The following ANKAR variants were observed in gnomAD, a reference collection of about 807,000 sequenced individuals.
The protein encoded by ANKAR is ankyrin and armadillo repeat containing, also known as ankyrin and armadillo repeat-containing protein.
A neutral mutation model predicts 146.2 loss-of-function variants in ANKAR; 136 were observed. The observed-to-expected ratio is 0.93, with a 90% CI of 0.81 to 1.07. The LOEUF is 1.07. Among genes scored for constraint, ANKAR ranks in the 50% least tolerant of loss-of-function variants. The pLI, the probability that ANKAR is intolerant of heterozygous loss-of-function variation, is 0.00. For synonymous variants in ANKAR, 500 were observed against 575.8 expected, an observed-to-expected ratio of 0.87 and a Z score of 1.88; for missense variants, 1,567 against 1,679.9, an observed-to-expected ratio of 0.93 and a Z score of 1.18.
intron 15 of ANKAR, among the ~76,000 whole-genome samples, chr2:189,729,460 T>A (rs2042191893): frequency 6.6e-6 from 1 of 152,176 alleles, no homozygotes; most frequent in South Asian, 2.1e-4. Context: ...GATTCTCACA[T>A]TTTTTTCTCT....
intron 19 of ANKAR, among the ~76,000 whole-genome samples, chr2:189,739,401 T>C (rs1375910258): frequency 6.6e-6 from 1 of 152,144 alleles, no homozygotes; most frequent in Non-Finnish European, 1.5e-5. Flanking sequence ...TATATGTGCA[T>C]GGCAAGGAAG....
At chr2:189,753,878 A>G in intron 18 of ANKAR, 1 of 1,601,558 alleles carries the variant, frequency 6.2e-7, no homozygotes, top group Non-Finnish European at 8.5e-7. Flanking sequence ...AACATATTGC[A>G]AAGTGTAACT....
intron 12 of ANKAR, among the ~76,000 whole-genome samples, chr2:189,722,610 T>C (rs1356874458): frequency 2.6e-5 from 4 of 151,946 alleles, no homozygotes; most frequent in Non-Finnish European, 5.9e-5. Flanking sequence ...GCACCGGGTG[T>C]GGTAGCTCAC....
chr2:189,695,241 C>T lies in ANKAR; in HGVS notation c.1488+80C>T, dbSNP rs1671998720. Reference sequence around the variant, plus strand: ...GTATGTGTCTCAAACAGATGTTTATCCTAGGGATAATAATAGGTTAAAGTC... The same window carrying T: ...GTATGTGTCTCAAACAGATGTTTATTCTAGGGATAATAATAGGTTAAAGTC... On this transcript the variant is annotated intron_variant, in intron 6 of 22. Coordinates refer to ENST00000684021, the MANE Select transcript of ANKAR (RefSeq NM_001378068.1). 3 of 1,195,238 alleles carry T rather than the reference C, an allele frequency of 2.5e-6. No individual in the cohort carries two copies. In the East Asian group the frequency reaches 7.3e-5, roughly 29 times the overall value. The allele number at this position is 1,195,238 out of a possible 1,614,324, so 74.0% of individuals were successfully genotyped here. A position where few individuals can be genotyped will look rare whatever the true frequency, so the allele number is the denominator to read the frequency against.
In ANKAR at chr2:189,745,027, C is replaced by CTACTACTACTACTACTACTACTAATAA. The variant is rs376824673; in HGVS notation, c.4057+241_4057+242insCTACTACTACTACTACTACTAATAATA. Among the ~76,000 whole-genome samples, 927 of 131,092 alleles carry CTACTACTACTACTACTACTACTAATAA rather than the reference C, an allele frequency of 7.1e-3. 3 individuals carry two copies. Among genetic ancestry groups the CTACTACTACTACTACTACTACTAATAA allele is most frequent in the Admixed American group, 7.3e-3 (90 of 12,300 alleles). 86.0% of individuals were successfully genotyped at this position (131,092 alleles called of 152,430 possible). ...ACTACTACTACTACTACTACTACTACTAATAATACAAAAATTAGCCAGGCA... is the reference window on the plus strand; with the variant it reads ...ACTACTACTACTACTACTACTACTACTACTACTACTACTACTACTACTAATAATAATAATACAAAAATTAGCCAGGCA... On this transcript the variant is annotated intron_variant, in intron 22 of 22. Transcript: ENST00000684021.
chr2:189,762,134 AAC>A (rs146407077), downstream of ANKAR, among the ~76,000 whole-genome samples: 5,119 of 152,288 alleles, frequency 0.034, 106 homozygotes, highest in Non-Finnish European at 0.05. Context: ...AGTTAACATA[AAC>A]ACACACACGC....
chr2:189,733,982 A>AT (rs1365418897), intron 17 of ANKAR, among the ~76,000 whole-genome samples: 12 of 151,950 alleles, frequency 7.9e-5, no homozygotes, highest in Non-Finnish European at 1.8e-4. Context: ...TTTTTGATGA[A>AT]TTCAGGCCAG....
chr2:189,694,758 A>G (rs559026803), intron 5 of ANKAR, among the ~76,000 whole-genome samples: 2 of 152,330 alleles, frequency 1.3e-5, no homozygotes, highest in East Asian at 3.9e-4. Flanking sequence ...ACTGACATGG[A>G]AAGGACAGAG....
Position 189,677,020 on chromosome 2 carries a change from C to T in ANKAR, c.530C>T (p.Ala177Val), listed in dbSNP as rs778933673. ...KRARFSELWR[A>V]IMDIDPDGKP... ...GCTAGATTCTCTGAATTGTGGCGTG[C>T]CATCATGGACATTGATCCTGATGGA... is the stretch of plus-strand genomic sequence containing the variant. The change falls in exon 2 of 23, where the codon GCC becomes GTC. Residue 177 changes from alanine to valine, a missense_variant. Physicochemically the swap from Ala to Val is moderately conservative, Grantham distance 64. Coordinates refer to ENST00000684021, the MANE Select transcript of ANKAR (RefSeq NM_001378068.1). 3.1e-6 allele frequency: 5 copies of T among 1,610,732 alleles called. No individual in the cohort carries two copies. The highest frequency in any genetic ancestry group is 1.7e-5 in the Admixed American group (1 of 59,278).
chr2:189,702,608 G>A (rs1252286291), intron 7 of ANKAR, among the ~76,000 whole-genome samples: 1 of 152,174 alleles, frequency 6.6e-6, no homozygotes, highest in African/African-American at 2.4e-5. Context: ...GGTTGGTTCA[G>A]CTTTTTACTT....
chr2:189,756,751 C>G (rs1038535503), intron 18 of ANKAR, among the ~76,000 whole-genome samples: 10 of 152,126 alleles, frequency 6.6e-5, no homozygotes, highest in Non-Finnish European at 1.0e-4. Context: ...CTCAAAAGCC[C>G]TCATCTCAGT....
chr2:189,750,117 A>AT (rs1426484031), downstream of ANKAR, among the ~76,000 whole-genome samples: 1 of 152,118 alleles, frequency 6.6e-6, no homozygotes, highest in African/African-American at 2.4e-5. Flanking sequence ...ACAGAGGGAG[A>AT]TTATCTCCAA....
At position 189,732,399 on chromosome 2, in the gene ANKAR, C is replaced by T. The variant is rs151243743; in HGVS notation, c.3301-708C>T. On this transcript the variant is annotated intron_variant, in intron 16 of 22. Transcript: ENST00000684021. ...GCTGCAGGCCAGGTGCTTTGGCTCA[C>T]GCCTGTAATCCCAGCACTTTAGGAG... Among the ~76,000 whole-genome samples the T allele has an allele frequency of 8.5e-5, 13 of 152,160 alleles. 1 individual carries two copies. The highest frequency in any genetic ancestry group is 5.2e-4 in the Admixed American group (8 of 15,290).
intron 7 of ANKAR, among the ~76,000 whole-genome samples, chr2:189,699,541 C>T (rs914125242): frequency 4.6e-5 from 7 of 152,196 alleles, no homozygotes; most frequent in Admixed American, 2.6e-4. Flanking sequence ...CATTCATTTA[C>T]TCATTTCACT....
intron 7 of ANKAR, among the ~76,000 whole-genome samples, chr2:189,698,090 A>G (rs2037504741): frequency 6.6e-6 from 1 of 152,192 alleles, no homozygotes; most frequent in Non-Finnish European, 1.5e-5. Flanking sequence ...AGAGTCATCC[A>G]AAGTAGAGGT....
rs897469046 is a variant in ANKAR at position 189,729,539 on chromosome 2, CT to C, written c.3193+727del. On this transcript the variant is annotated intron_variant, in intron 15 of 22. Coordinates refer to ENST00000684021, the MANE Select transcript of ANKAR (RefSeq NM_001378068.1). ...AGATAATCAGCCAGAGAAGATGTTT[CT>C]TTTTTTTTGGCCAGAGACTCTGACA... is the stretch of plus-strand genomic sequence containing the variant. Among the ~76,000 whole-genome samples the C allele has an allele frequency of 2.5e-3, 377 of 151,194 alleles. 4 individuals carry two copies. Among genetic ancestry groups the C allele is most frequent in the African/African-American group, 8.7e-3 (359 of 41,284 alleles).
intron 4 of ANKAR, chr2:189,692,661 A>C (rs1196262780): frequency 2.8e-6 from 1 of 356,714 alleles, no homozygotes; most frequent in African/African-American, 2.1e-5. Flanking sequence ...TCACCCTCAC[A>C]GAATTTAAAG....
At chr2:189,737,159 A>G (rs1414108985) in intron 17 of ANKAR, among the ~76,000 whole-genome samples, 2 of 151,792 alleles carry the variant, frequency 1.3e-5, no homozygotes, top group Non-Finnish European at 2.9e-5. Context: ...TGTTCAAATA[A>G]CATACTAATA....
intron 19 of ANKAR, 41 bp downstream of exon 19, chr2:189,738,723 A>G: frequency 7.9e-7 from 1 of 1,272,258 alleles, no homozygotes; most frequent in South Asian, 1.3e-5. Flanking sequence ...ACATAAAACT[A>G]TTTTCAAAAA....
Sources: gnomAD v4.1 joint callset for allele counts (sites outside exome capture counted in the v4.1 genomes callset) on GRCh38, gnomAD v4.1.1 for gene constraint, MANE v1.5 for transcripts, NCBI Gene and HGNC (gene_info 2026-07-23, HGNC 2026-07-21) for gene names.